RB1: variants seen among roughly 807,000 people sequenced by gnomAD.
The protein encoded by RB1 is retinoblastoma-associated protein.
In RB1, 18 loss-of-function variants were observed where a neutral mutation model predicts 135.4. That is an observed-to-expected ratio of 0.13 (90% confidence interval 0.09 to 0.20). RB1 has a LOEUF of 0.20. Among genes scored for constraint, RB1 ranks in the 10% least tolerant of loss-of-function variants. The probability of loss-of-function intolerance (pLI) is 1.00; values close to 1 mark genes in which losing one functional copy is unlikely to be tolerated. For missense variants in RB1, 868 were observed against 1,110.0 expected (o/e 0.78, Z 3.10); for synonymous variants, 365 against 373.2 (o/e 0.98, Z 0.25).
At chr13:48,391,278 T>G (rs1170836378) in intron 17 of RB1, 3 of 152,234 alleles carry the variant, frequency 2.0e-5, no homozygotes, top group Non-Finnish European at 2.9e-5. Flanking sequence ...TGTCATACAT[T>G]TTGCTTCGAC....
intron 2 of RB1, chr13:48,318,880 C>T: frequency 8.8e-7 from 1 of 1,136,550 alleles, no homozygotes; most frequent in Non-Finnish European, 1.3e-6. Flanking sequence ...TCTGGATTTC[C>T]TGATCGATGC....
intron 2 of RB1, chr13:48,320,099 C>T (rs938590044): frequency 4.5e-6 from 3 of 669,228 alleles, no homozygotes; most frequent in Admixed American, 2.6e-5. Flanking sequence ...CGCAATGTCC[C>T]GGTCCACGGA....
chr13:48,317,003 T>G (rs958152537), intron 2 of RB1: 3 of 525,894 alleles, frequency 5.7e-6, no homozygotes, highest in Non-Finnish European at 9.7e-6. Context: ...ACCTCAGGTC[T>G]AAAATGCTTT....
At chr13:48,324,070 A>G (rs1346667428) in intron 2 of RB1, among the ~76,000 whole-genome samples, 3 of 151,994 alleles carry the variant, frequency 2.0e-5, no homozygotes, top group Non-Finnish European at 2.9e-5. Flanking sequence ...TTTAATTATT[A>G]TGGAGACATA....
At chr13:48,442,999 A>G (rs899960287) in intron 17 of RB1, among the ~76,000 whole-genome samples, 132 of 152,224 alleles carry the variant, frequency 8.7e-4, no homozygotes, top group African/African-American at 3.1e-3. Flanking sequence ...TTTGACCAAG[A>G]TATCAATTAA....
At chr13:48,345,221 G>GGTTT in intron 4 of RB1, 22 bp downstream of exon 4, 1 of 1,606,478 alleles carries the variant, frequency 6.2e-7, no homozygotes, top group Non-Finnish European at 8.5e-7. Context: ...ATTTTATTAG[G>GGTTT]TTTACACTCT....
chr13:48,341,056 T>C (rs1952438738), intron 2 of RB1: 1 of 152,120 alleles, frequency 6.6e-6, no homozygotes, highest in South Asian at 2.1e-4. Flanking sequence ...GAAAGTTCTT[T>C]CATTCCCCTT....
chr13:48,383,847 A>T (rs776089769), intron 17 of RB1, among the ~76,000 whole-genome samples: 29 of 152,116 alleles, frequency 1.9e-4, no homozygotes, highest in Non-Finnish European at 3.8e-4. Context: ...CTCCTCCCAG[A>T]AATTGATATT....
intron 23 of RB1, among the ~76,000 whole-genome samples, chr13:48,465,994 A>T (rs930667277): frequency 1.9e-4 from 27 of 145,078 alleles, no homozygotes; most frequent in Admixed American, 1.5e-3. Context: ...GGCGCCTGCC[A>T]TTGCCCAGGC....
At chr13:48,317,042 C>A in intron 2 of RB1, 1 of 685,900 alleles carries the variant, frequency 1.5e-6, no homozygotes, top group Non-Finnish European at 2.2e-6. Context: ...TCCTGTCGGG[C>A]AAACTCCGCC....
At chr13:48,322,818 A>C (rs1279704261) in intron 2 of RB1, among the ~76,000 whole-genome samples, 2 of 152,170 alleles carry the variant, frequency 1.3e-5, no homozygotes, top group Non-Finnish European at 2.9e-5. Flanking sequence ...GTAGTATATT[A>C]GTTGATTTTC....
chr13:48,373,419 C>T lies in RB1; in HGVS notation c.1142C>T (p.Thr381Ile). ...PHTPVRTVMNTIQQLMMILNS... is the reference protein window; with the variant it reads ...PHTPVRTVMNIIQQLMMILNS... ...ATCCCCTCTAGGACTGTTATGAACA[C>T]TATCCAACAATTAATGATGATTTTA... Residue 381 changes from threonine (T) to isoleucine (I), a missense_variant, in exon 12 of 27, where the codon ACT becomes ATT. By Grantham distance (89) the Thr-to-Ile change is moderately conservative (BLOSUM62 -1). Transcript: ENST00000267163. 1.3e-6 allele frequency: 2 copies of T among 1,592,694 alleles called. No individual in the cohort carries two copies. The highest frequency in any genetic ancestry group is 1.1e-5 in the South Asian group (1 of 90,488).
At chr13:48,354,045 T>C (rs1218819433) in intron 6 of RB1, among the ~76,000 whole-genome samples, 1 of 152,102 alleles carries the variant, frequency 6.6e-6, no homozygotes, top group Non-Finnish European at 1.5e-5. Context: ...AGGATGTCCA[T>C]TGTCATCACT....
chr13:48,414,026 A>G lies in RB1; in HGVS notation c.1695+32583A>G, dbSNP rs568265660. ...TGTCTCCATCTAAAAGTTTCTATGAATGGTTTATATGTTTATATTTAAAGT... is the reference window on the plus strand; with the variant it reads ...TGTCTCCATCTAAAAGTTTCTATGAGTGGTTTATATGTTTATATTTAAAGT... On this transcript the variant is annotated intron_variant, in intron 17 of 26. Coordinates refer to ENST00000267163, the MANE Select transcript of RB1 (RefSeq NM_000321.3). Among the ~76,000 whole-genome samples the G allele has an allele frequency of 5.9e-5, 9 of 152,246 alleles. No homozygotes were observed. The East Asian group carries it at 1.5e-3, about 26-fold the overall frequency.
intron 2 of RB1, among the ~76,000 whole-genome samples, chr13:48,337,772 C>T (rs1227597599): frequency 3.3e-5 from 5 of 152,150 alleles, no homozygotes; most frequent in South Asian, 2.1e-4. Flanking sequence ...TTCTTCCTAG[C>T]CTCGATGGTC....
Position 48,476,758 on chromosome 13 carries a change from A to G in RB1, c.2578A>G (p.Lys860Glu). The G allele has an allele frequency of 6.2e-7, 1 of 1,613,662 alleles. No homozygotes were observed. The highest frequency in any genetic ancestry group is 8.5e-7 in the Non-Finnish European group (1 of 1,179,640). Residue 860 changes from lysine (K) to glutamate (E), a missense_variant, in exon 25 of 27, where the codon AAA becomes GAA. By Grantham distance (56) the Lys-to-Glu change is moderately conservative (BLOSUM62 1). Coordinates refer to ENST00000267163, the MANE Select transcript of RB1 (RefSeq NM_000321.3). ...GGTATGTAACAGCGACCGTGTGCTC[A>G]AAAGAAGTGCTGAAGGAAGCAACCC... ...QMVCNSDRVLKRSAEGSNPPK... is the reference protein window; with the variant it reads ...QMVCNSDRVLERSAEGSNPPK...
chr13:48,383,646 A>T (rs903063572), intron 17 of RB1, among the ~76,000 whole-genome samples: 5 of 152,072 alleles, frequency 3.3e-5, no homozygotes, highest in Non-Finnish European at 5.9e-5. Flanking sequence ...GGAGAGAAAC[A>T]TGGGAAATTG....
intron 2 of RB1, among the ~76,000 whole-genome samples, chr13:48,309,599 C>A (rs933585498): frequency 6.6e-6 from 1 of 152,160 alleles, no homozygotes; most frequent in Non-Finnish European, 1.5e-5. Flanking sequence ...GGGATCAGAG[C>A]TCCTTCACTT....
At chr13:48,418,832 A>G (rs1389428157) in intron 17 of RB1, among the ~76,000 whole-genome samples, 20 of 152,182 alleles carry the variant, frequency 1.3e-4, no homozygotes, top group Admixed American at 1.3e-3. Flanking sequence ...CAACAAGAAG[A>G]GCTAACTATC....
Sources: gnomAD v4.1 joint callset for allele counts (sites outside exome capture counted in the v4.1 genomes callset) on GRCh38, gnomAD v4.1.1 for gene constraint, MANE v1.5 for transcripts, NCBI Gene and HGNC (gene_info 2026-07-23, HGNC 2026-07-21) for gene names.